The following EPB41L2 variants were observed in gnomAD, a reference collection of about 807,000 sequenced individuals.
EPB41L2 encodes erythrocyte membrane protein band 4.1 like 2, also known as band 4.1-like protein 2.
EPB41L2 carries 43 observed loss-of-function variants against 113.0 expected under a neutral mutation model. That is an observed-to-expected ratio of 0.38 (90% CI 0.30 to 0.49). The LOEUF (loss-of-function observed/expected upper bound fraction) is 0.49, where lower values mean the gene tolerates loss of function less well. EPB41L2 is among the 20% of genes least tolerant of loss of function. The pLI is 0.95. For missense variants in EPB41L2, 1,147 were observed against 1,223.4 expected, an observed-to-expected ratio of 0.94 and a Z score of 0.93; for synonymous variants, 442 against 436.7, an observed-to-expected ratio of 1.01 and a Z score of -0.15.
chr6:130,849,380 G>C (rs1270875420), intron 19 of EPB41L2, among the ~76,000 whole-genome samples: 1 of 152,192 alleles, frequency 6.6e-6, no homozygotes, highest in Non-Finnish European at 1.5e-5. Context: ...GGTCAGTTCT[G>C]TCTTGCCCCT....
intron 1 of EPB41L2, among the ~76,000 whole-genome samples, chr6:131,042,146 G>A (rs1169865517): frequency 2.0e-5 from 3 of 152,084 alleles, no homozygotes; most frequent in Non-Finnish European, 4.4e-5. Context: ...CTCTATGTTT[G>A]CATACACCTC....
chr6:131,045,475 A>G (rs1795279042), intron 1 of EPB41L2, among the ~76,000 whole-genome samples: 1 of 152,154 alleles, frequency 6.6e-6, no homozygotes, highest in Non-Finnish European at 1.5e-5. Context: ...TAAAATAGGT[A>G]AAGTCTTGGG....
intron 1 of EPB41L2, among the ~76,000 whole-genome samples, chr6:131,024,161 CT>C (rs202010524): frequency 6.1e-5 from 9 of 148,504 alleles, no homozygotes; most frequent in Admixed American, 6.7e-5. Context: ...AGAATGAACA[CT>C]TTTTTTTTTA....
At chr6:130,912,846 A>G (rs575979874) in intron 4 of EPB41L2, among the ~76,000 whole-genome samples, 91 of 152,296 alleles carry the variant, frequency 6.0e-4, no homozygotes, top group African/African-American at 2.0e-3. Flanking sequence ...TCACCCAAGG[A>G]ACAACCATAG....
rs781646450 is a variant in EPB41L2, at chr6:130,890,340, G to C, written c.1614C>G (p.His538Gln). The change falls in exon 11 of 20, where the codon CAC becomes CAG. Residue 538 changes from histidine to glutamine, a missense_variant. By Grantham distance (24) the His-to-Gln change is conservative. Coordinates refer to ENST00000337057, the MANE Select transcript of EPB41L2 (RefSeq NM_001431.4). ...ASTLIDRPAP[H>Q]FERTSSKRVS... Reference sequence around the variant, plus strand: ...CCCGTTTACTAGAAGTGCGCTCAAAGTGTGGTGCTGGCCTATCTATGAGGG... The same window carrying C: ...CCCGTTTACTAGAAGTGCGCTCAAACTGTGGTGCTGGCCTATCTATGAGGG... The C allele has an allele frequency of 1.2e-6, 2 of 1,613,790 alleles. No individual in the cohort carries two copies. Among genetic ancestry groups the C allele is most frequent in the South Asian group, 2.2e-5 (2 of 91,044 alleles).
At chr6:131,029,032 C>A (rs1203413098) in intron 1 of EPB41L2, among the ~76,000 whole-genome samples, 1 of 152,198 alleles carries the variant, frequency 6.6e-6, no homozygotes. Context: ...TACCACAATT[C>A]TCTCTAGGAG....
At chr6:130,927,016 G>C (rs1562505399) in intron 3 of EPB41L2, among the ~76,000 whole-genome samples, 1 of 152,150 alleles carries the variant, frequency 6.6e-6, no homozygotes, top group Non-Finnish European at 1.5e-5. Flanking sequence ...TTTCAAAAAT[G>C]TTCAAACTGC....
intron 1 of EPB41L2, among the ~76,000 whole-genome samples, chr6:131,006,636 C>CA (rs1375214576): frequency 1.8e-4 from 10 of 55,348 alleles, no homozygotes; most frequent in Admixed American, 1.2e-3. Flanking sequence ...CACCACTGAA[C>CA]CCGACTGGGT....
intron 1 of EPB41L2, among the ~76,000 whole-genome samples, chr6:131,036,989 C>A (rs764043067): frequency 1.3e-5 from 2 of 152,172 alleles, no homozygotes; most frequent in Admixed American, 6.5e-5. Context: ...GTGAGCTGAT[C>A]TCCTCCACCT....
chr6:130,904,567 G>C (rs1258220677), intron 5 of EPB41L2, 27 bp from the exon 6 acceptor site: 1 of 1,439,836 alleles, frequency 6.9e-7, no homozygotes, highest in Non-Finnish European at 9.7e-7. Flanking sequence ...TCACAGTTAT[G>C]CACCCAATTA....
chr6:131,023,766 T>TATATATATATATATAGATATATATAC (rs1562754238), intron 1 of EPB41L2, among the ~76,000 whole-genome samples: 1 of 131,770 alleles, frequency 7.6e-6, no homozygotes, highest in Non-Finnish European at 1.7e-5. Context: ...GATATATAGA[T>TATATATATATATATAGATATATATAC]ATATAGATAT....
At chr6:130,992,471 A>T (rs1782113223) in intron 1 of EPB41L2, among the ~76,000 whole-genome samples, 1 of 152,090 alleles carries the variant, frequency 6.6e-6, no homozygotes, top group Non-Finnish European at 1.5e-5. Flanking sequence ...CAATAATTGC[A>T]CCTAATTCAT....
At chr6:131,004,335 T>C (rs1784989629) in intron 1 of EPB41L2, among the ~76,000 whole-genome samples, 1 of 152,104 alleles carries the variant, frequency 6.6e-6, no homozygotes, top group Non-Finnish European at 1.5e-5. Flanking sequence ...ATCTGTAAAA[T>C]GAGGTTAAGG....
chr6:130,925,770 T>C (rs1583514179), intron 4 of EPB41L2, among the ~76,000 whole-genome samples: 1 of 152,186 alleles, frequency 6.6e-6, no homozygotes, highest in East Asian at 1.9e-4. Context: ...CAGTCAAATG[T>C]GCTATTACGT....
intron 1 of EPB41L2, among the ~76,000 whole-genome samples, chr6:131,017,510 G>A (rs1788506690): frequency 6.6e-6 from 1 of 152,106 alleles, no homozygotes. Context: ...GTTAATATAT[G>A]TAGCTCTATG....
chr6:130,900,494 G>A (rs565699122), intron 7 of EPB41L2, among the ~76,000 whole-genome samples: 6 of 152,216 alleles, frequency 3.9e-5, no homozygotes, highest in South Asian at 4.2e-4. Flanking sequence ...ATCTTCCAAC[G>A]GAATCACCTG....
intron 1 of EPB41L2, among the ~76,000 whole-genome samples, chr6:131,036,212 A>T (rs1299760994): frequency 1.3e-5 from 2 of 152,208 alleles, no homozygotes; most frequent in African/African-American, 4.8e-5. Context: ...AAGGAATTCC[A>T]GGTACAGTTT....
chr6:131,009,685 AC>A (rs1229664503), intron 1 of EPB41L2, among the ~76,000 whole-genome samples: 1 of 151,944 alleles, frequency 6.6e-6, no homozygotes, highest in Non-Finnish European at 1.5e-5. Context: ...AAAAAAAAAA[AC>A]CAAACTAGTC....
chr6:130,855,962 G>T (rs1021147793), intron 19 of EPB41L2, among the ~76,000 whole-genome samples: 1 of 151,966 alleles, frequency 6.6e-6, no homozygotes, highest in Admixed American at 6.6e-5. Context: ...ACTGGAGCAG[G>T]GATAGACGCA....
Sources: gnomAD v4.1 joint callset for allele counts (sites outside exome capture counted in the v4.1 genomes callset) on GRCh38, gnomAD v4.1.1 for gene constraint, MANE v1.5 for transcripts, NCBI Gene and HGNC (gene_info 2026-07-23, HGNC 2026-07-21) for gene names.